GRIN2B: variants seen among roughly 807,000 people sequenced by gnomAD.
The protein encoded by GRIN2B is glutamate receptor ionotropic, NMDA 2B.
In GRIN2B, 5 loss-of-function variants were observed where a neutral mutation model predicts 114.5. The observed-to-expected ratio is 0.04, with a 90% CI of 0.02 to 0.09. The LOEUF (loss-of-function observed/expected upper bound fraction) is 0.09. Among genes scored for constraint, GRIN2B ranks in the 10% least tolerant of loss-of-function variants. The pLI is 1.00. For synonymous variants in GRIN2B, 787 were observed against 745.1 expected (o/e 1.06, Z -0.92); for missense variants, 1,108 against 1,943.5 (o/e 0.57, Z 8.08).
chr12:13,878,317 G>A (rs189993209), intron 2 of GRIN2B, among the ~76,000 whole-genome samples: 362 of 152,258 alleles, frequency 2.4e-3, no homozygotes, highest in Non-Finnish European at 3.5e-3. Context: ...CACAGCTTCC[G>A]CTAAGCAATC....
intron 3 of GRIN2B, among the ~76,000 whole-genome samples, chr12:13,771,418 A>T (rs369500640): frequency 2.0e-5 from 3 of 152,226 alleles, no homozygotes; most frequent in Non-Finnish European, 4.4e-5. Flanking sequence ...ACAAAGAAAG[A>T]TTTAGTAAGT....
At chr12:13,697,603 C>G (rs1036769866) in intron 4 of GRIN2B, among the ~76,000 whole-genome samples, 1 of 152,174 alleles carries the variant, frequency 6.6e-6, no homozygotes, top group Admixed American at 6.5e-5. Flanking sequence ...CTCCATGTTC[C>G]TCATCCCAAA....
intron 2 of GRIN2B, among the ~76,000 whole-genome samples, chr12:13,870,775 C>T (rs996416449): frequency 6.6e-6 from 1 of 152,092 alleles, no homozygotes; most frequent in Non-Finnish European, 1.5e-5. Flanking sequence ...GTATCAGGTC[C>T]AGTTTTCCAA....
intron 2 of GRIN2B, among the ~76,000 whole-genome samples, chr12:13,965,806 A>T (rs1023693987): frequency 6.6e-6 from 1 of 152,208 alleles, no homozygotes; most frequent in African/African-American, 2.4e-5. Context: ...AATGGTAATA[A>T]TTGCATCGCT....
rs1353739867 is a variant in GRIN2B at position 13,553,778 on chromosome 12, G to A, written c.*9005C>T. The A allele has an allele frequency of 6.6e-6, 1 of 152,202 alleles. No individual in the cohort carries two copies. Among genetic ancestry groups the A allele is most frequent in the East Asian group, 1.9e-4 (1 of 5,198 alleles). 9.4% of individuals were successfully genotyped at this position (152,202 alleles called of 1,614,324 possible). On this transcript the variant is annotated 3_prime_UTR_variant, in exon 14 of 14. Transcript: ENST00000609686. ...TGTCTGGATACAAGCTCTACCCAAA[G>A]CATCTGAAAAGCTGATACCTAAAAT...
chr12:13,832,498 T>C (rs1469100770), intron 3 of GRIN2B, among the ~76,000 whole-genome samples: 1 of 152,228 alleles, frequency 6.6e-6, no homozygotes, highest in African/African-American at 2.4e-5. Context: ...AGAGTCTGTC[T>C]GATTTGCCAC....
chr12:13,704,353 A>C (rs1950339826), intron 4 of GRIN2B, among the ~76,000 whole-genome samples: 1 of 152,154 alleles, frequency 6.6e-6, no homozygotes, highest in Admixed American at 6.6e-5. Flanking sequence ...AGGAAGAAGG[A>C]TTTGATCCCT....
At chr12:13,879,274 A>G (rs367560231) in intron 2 of GRIN2B, among the ~76,000 whole-genome samples, 66 of 152,292 alleles carry the variant, frequency 4.3e-4, no homozygotes, top group African/African-American at 1.5e-3. Context: ...AAATCTGTAC[A>G]GCATGTTACT....
At chr12:13,828,117 T>C (rs7956383) in intron 3 of GRIN2B, among the ~76,000 whole-genome samples, 46,779 of 152,268 alleles carry the variant, frequency 0.31, 7,525 homozygotes, top group Non-Finnish European at 0.34. Context: ...CACATATTCA[T>C]GTGTGTAATA....
chr12:13,747,501 C>T (rs1043415866), intron 4 of GRIN2B, among the ~76,000 whole-genome samples: 1 of 152,152 alleles, frequency 6.6e-6, no homozygotes, highest in Admixed American at 6.5e-5. Context: ...TATCCTTTTA[C>T]ACTACTGAGC....
intron 12 of GRIN2B, among the ~76,000 whole-genome samples, chr12:13,567,948 C>A (rs1182501205): frequency 2.6e-5 from 4 of 151,628 alleles, no homozygotes; most frequent in African/African-American, 4.9e-5. Flanking sequence ...AGAAAATTGC[C>A]CTTAAAATTG....
chr12:13,802,087 A>T (rs530199079), intron 3 of GRIN2B, among the ~76,000 whole-genome samples: 2 of 152,244 alleles, frequency 1.3e-5, no homozygotes, highest in Non-Finnish European at 2.9e-5. Flanking sequence ...GCCCTGAAGG[A>T]GTCTGAAGTC....
At chr12:13,693,297 A>AT (rs1397145525) in intron 4 of GRIN2B, among the ~76,000 whole-genome samples, 5 of 152,170 alleles carry the variant, frequency 3.3e-5, no homozygotes, top group Non-Finnish European at 7.3e-5. Context: ...GTGAAGACTT[A>AT]TTGCATGTTT....
chr12:13,737,855 G>A (rs558017601), intron 4 of GRIN2B, among the ~76,000 whole-genome samples: 2 of 152,098 alleles, frequency 1.3e-5, no homozygotes, highest in Admixed American at 6.5e-5. Flanking sequence ...TTAGACAAAC[G>A]TAAAGTTTCC....
chr12:13,547,979 A>ATTTT lies in GRIN2B; in HGVS notation c.*14803_*14804insAAAA, dbSNP rs1425325795. On this transcript the variant is annotated 3_prime_UTR_variant, in exon 14 of 14. Coordinates refer to ENST00000609686, the MANE Select transcript of GRIN2B (RefSeq NM_000834.5). ...TGTGTGTATATATATATATATATAT[A>ATTTT]TATTTTTTTTTTTTTTCTGAAAGCT... is the stretch of plus-strand genomic sequence containing the variant. 893 of 59,460 alleles carry ATTTT rather than the reference A, an allele frequency of 0.015. 16 individuals carry two copies. Among genetic ancestry groups the ATTTT allele is most frequent in the Non-Finnish European group, 0.024 (664 of 27,274 alleles). The allele number at this position is 59,460 out of a possible 1,614,324, so 3.7% of individuals were successfully genotyped here.
chr12:13,980,849 TGTGCACGGG>T (rs1381380615), intron 1 of GRIN2B, among the ~76,000 whole-genome samples: 3 of 152,186 alleles, frequency 2.0e-5, no homozygotes, highest in Admixed American at 2.0e-4. Context: ...GGGTTCTGAT[TGTGCACGGG>T]GTGCACACTG....
At chr12:13,773,920 C>A (rs2136648556) in intron 3 of GRIN2B, among the ~76,000 whole-genome samples, 1 of 152,294 alleles carries the variant, frequency 6.6e-6, no homozygotes, top group East Asian at 1.9e-4. Context: ...CTTGGGAACA[C>A]TGGGTGAGCA....
chr12:13,927,982 A>AAAAAAAAAAAAAGG (rs71067738), intron 2 of GRIN2B, among the ~76,000 whole-genome samples: 1 of 129,700 alleles, frequency 7.7e-6, no homozygotes, highest in African/African-American at 2.8e-5. Context: ...AAAAAAAAAA[A>AAAAAAAAAAAAAGG]GGGGGGGTAT....
In GRIN2B at chr12:13,715,704, A is replaced by C. The variant is rs1950449137; in HGVS notation, c.1010+37613T>G. Reference sequence around the variant, plus strand: ...TGAAAGAATGATCTCAGAGAACCTAAACTCTGATCTTTCAAATGAGTATTT... The same window carrying C: ...TGAAAGAATGATCTCAGAGAACCTACACTCTGATCTTTCAAATGAGTATTT... On this transcript the variant is annotated intron_variant, in intron 4 of 13. Transcript: ENST00000609686. Among the ~76,000 whole-genome samples the C allele has an allele frequency of 2.0e-5, 3 of 151,936 alleles. No homozygotes were observed. In the South Asian group the frequency reaches 6.2e-4, roughly 31 times the overall value.
Sources: gnomAD v4.1 joint callset for allele counts (sites outside exome capture counted in the v4.1 genomes callset) on GRCh38, gnomAD v4.1.1 for gene constraint, MANE v1.5 for transcripts, NCBI Gene and HGNC (gene_info 2026-07-23, HGNC 2026-07-21) for gene names.